The following SPAG16 variants were observed in gnomAD, a reference collection of about 807,000 sequenced individuals.
SPAG16 encodes the protein sperm-associated antigen 16 protein.
A neutral mutation model predicts 80.4 loss-of-function variants in SPAG16; 86 were observed. The observed-to-expected ratio is 1.07, with a 90% CI of 0.90 to 1.28. SPAG16 has a LOEUF of 1.28. Among genes scored for constraint, SPAG16 ranks in the 50% most tolerant of loss-of-function variants. The pLI, the probability that SPAG16 is intolerant of heterozygous loss-of-function variation, is 0.00. For missense variants in SPAG16, 870 were observed against 765.3 expected, an observed-to-expected ratio of 1.14 and a Z score of -1.61; for synonymous variants, 294 against 265.9, an observed-to-expected ratio of 1.11 and a Z score of -1.03.
At chr2:213,321,752 TG>T (rs1344370900) in intron 5 of SPAG16, among the ~76,000 whole-genome samples, 1 of 152,130 alleles carries the variant, frequency 6.6e-6, no homozygotes, top group Non-Finnish European at 1.5e-5. Flanking sequence ...AATATAAAGT[TG>T]GGAAAATAAC....
At chr2:213,761,739 G>T (rs1467411785) in intron 10 of SPAG16, among the ~76,000 whole-genome samples, 5 of 151,886 alleles carry the variant, frequency 3.3e-5, no homozygotes, top group Non-Finnish European at 5.9e-5. Context: ...GGTGGCGGGC[G>T]CCTGTAGTCC....
At chr2:213,992,243 G>A (rs77386800) in intron 12 of SPAG16, among the ~76,000 whole-genome samples, 4,848 of 152,060 alleles carry the variant, frequency 0.032, 248 homozygotes, top group African/African-American at 0.11. Flanking sequence ...GAACCTTACC[G>A]AGAATTGTTT....
At chr2:214,352,832 C>T (rs1698514692) in intron 15 of SPAG16, among the ~76,000 whole-genome samples, 1 of 151,890 alleles carries the variant, frequency 6.6e-6, no homozygotes, top group African/African-American at 2.4e-5. Context: ...AATCATTTAA[C>T]TTTAACATAC....
chr2:214,011,729 T>C (rs902820857), intron 12 of SPAG16, among the ~76,000 whole-genome samples: 6 of 152,176 alleles, frequency 3.9e-5, no homozygotes, highest in African/African-American at 1.4e-4. Context: ...AAAATATTCC[T>C]GATGTATTGA....
chr2:213,701,515 A>G (rs2065419309), intron 10 of SPAG16, among the ~76,000 whole-genome samples: 1 of 152,090 alleles, frequency 6.6e-6, no homozygotes, highest in Non-Finnish European at 1.5e-5. Context: ...TGGGCTGGCC[A>G]AGGCCAGAGC....
At chr2:213,575,825 G>T (rs1277733345) in intron 10 of SPAG16, among the ~76,000 whole-genome samples, 1 of 152,160 alleles carries the variant, frequency 6.6e-6, no homozygotes, top group South Asian at 2.1e-4. Context: ...ACCAATCTCT[G>T]TTATTTTGTG....
At chr2:213,880,766 G>T (rs1035559664) in intron 11 of SPAG16, among the ~76,000 whole-genome samples, 9 of 152,094 alleles carry the variant, frequency 5.9e-5, no homozygotes, top group African/African-American at 1.9e-4. Flanking sequence ...TGTCAGCTTT[G>T]TTGAAAATCA....
chr2:213,500,547 C>T (rs1306634221), intron 10 of SPAG16, among the ~76,000 whole-genome samples: 1 of 152,142 alleles, frequency 6.6e-6, no homozygotes, highest in Non-Finnish European at 1.5e-5. Context: ...ACCTTGTGTT[C>T]TAAACATTAG....
chr2:214,038,377 T>C (rs145498268), intron 13 of SPAG16, among the ~76,000 whole-genome samples: 2 of 152,196 alleles, frequency 1.3e-5, no homozygotes, highest in Non-Finnish European at 2.9e-5. Context: ...AGTTCTGTTA[T>C]TTCTACTTTG....
intron 9 of SPAG16, among the ~76,000 whole-genome samples, chr2:213,450,662 G>A (rs948187608): frequency 2.0e-5 from 3 of 152,058 alleles, no homozygotes; most frequent in African/African-American, 7.2e-5. Context: ...AGTGGCTTTA[G>A]ATTTTTTATT....
intron 1 of SPAG16, 134 bp from the exon 2 acceptor site, chr2:213,295,930 A>C: frequency 1.6e-6 from 1 of 613,020 alleles, no homozygotes; most frequent in Non-Finnish European, 2.8e-6. Flanking sequence ...AATTTTTTAA[A>C]GATTAAATTA....
At chr2:213,618,963 C>G (rs974157483) in intron 10 of SPAG16, among the ~76,000 whole-genome samples, 1 of 152,060 alleles carries the variant, frequency 6.6e-6, no homozygotes. Context: ...TTGGCTCATT[C>G]ATTAACAAAG....
chr2:213,344,306 C>G, intron 6 of SPAG16, among the ~76,000 whole-genome samples: 1 of 152,102 alleles, frequency 6.6e-6, no homozygotes. Context: ...ATTTCCACTT[C>G]ACAGCGTTGG....
Position 213,358,025 on chromosome 2 carries a change from T to G in SPAG16, c.763-6051T>G, listed in dbSNP as rs556651309. 7.2e-5 allele frequency among the ~76,000 whole-genome samples: 11 copies of G among 152,288 alleles called. No individual in the cohort carries two copies. The East Asian group carries it at 1.2e-3, about 16-fold the overall frequency. The stretch of plus-strand genomic sequence containing the variant: ...TCTCCTTCACTTATGAAACTTAGTT[T>G]GGCTAGATATGAAATTCTGGGTTGA... On this transcript the variant is annotated intron_variant, in intron 7 of 15. Coordinates refer to ENST00000331683, the MANE Select transcript of SPAG16 (RefSeq NM_024532.5).
At chr2:213,813,011 T>G (rs2072277942) in intron 10 of SPAG16, among the ~76,000 whole-genome samples, 1 of 152,202 alleles carries the variant, frequency 6.6e-6, no homozygotes, top group Admixed American at 6.5e-5. Context: ...AGTTATAAAA[T>G]TGACTTCATT....
intron 13 of SPAG16, among the ~76,000 whole-genome samples, chr2:214,066,611 C>T (rs1404806677): frequency 2.6e-5 from 4 of 151,788 alleles, no homozygotes; most frequent in Non-Finnish European, 5.9e-5. Flanking sequence ...TAGAACAGGA[C>T]AATATTTGCA....
At chr2:213,778,194 A>T (rs766560534) in intron 10 of SPAG16, among the ~76,000 whole-genome samples, 26 of 152,048 alleles carry the variant, frequency 1.7e-4, no homozygotes, top group Non-Finnish European at 2.8e-4. Context: ...TCACACGATG[A>T]TTGTCATTTC....
chr2:214,026,121 T>G (rs761081572), intron 13 of SPAG16, among the ~76,000 whole-genome samples: 12 of 151,654 alleles, frequency 7.9e-5, no homozygotes, highest in Non-Finnish European at 1.6e-4. Flanking sequence ...AAAAACAGTT[T>G]CTTTAGAAAA....
chr2:213,450,167 G>A (rs1440454185), intron 9 of SPAG16, among the ~76,000 whole-genome samples: 1 of 152,156 alleles, frequency 6.6e-6, no homozygotes, highest in African/African-American at 2.4e-5. Flanking sequence ...AGGCAGGCAT[G>A]GTGGTGCATG....
Sources: gnomAD v4.1 joint callset for allele counts (sites outside exome capture counted in the v4.1 genomes callset) on GRCh38, gnomAD v4.1.1 for gene constraint, MANE v1.5 for transcripts, NCBI Gene and HGNC (gene_info 2026-07-23, HGNC 2026-07-21) for gene names.